Variants in MAD1L1 observed in about 807,000 individuals in gnomAD.
MAD1L1 encodes mitotic arrest deficient 1 like 1, also known as mitotic spindle assembly checkpoint protein MAD1.
Under a neutral mutation model 96.9 loss-of-function variants are expected in MAD1L1, and 95 were observed. The observed-to-expected ratio is 0.98, with a 90% CI of 0.83 to 1.16. The LOEUF (loss-of-function observed/expected upper bound fraction) is 1.16, where lower values mean the gene tolerates loss of function less well. Among genes scored for constraint, MAD1L1 ranks in the 50% most tolerant of loss-of-function variants. The probability of loss-of-function intolerance (pLI) is 0.00; values close to 1 mark genes in which losing one functional copy is unlikely to be tolerated. For missense variants in MAD1L1, 1,007 were observed against 954.4 expected, an observed-to-expected ratio of 1.06 and a Z score of -0.73; for synonymous variants, 473 against 396.6, an observed-to-expected ratio of 1.19 and a Z score of -2.29.
At chr7:1,916,456 A>G (rs548410495) in intron 17 of MAD1L1, among the ~76,000 whole-genome samples, 21 of 152,288 alleles carry the variant, frequency 1.4e-4, no homozygotes, top group African/African-American at 5.1e-4. Flanking sequence ...AACACACGTC[A>G]TGGCACGAGG....
At chr7:1,905,769 G>T (rs1296020087) in intron 17 of MAD1L1, among the ~76,000 whole-genome samples, 1 of 152,164 alleles carries the variant, frequency 6.6e-6, no homozygotes, top group Non-Finnish European at 1.5e-5. Context: ...GGAACCTGGG[G>T]CTGGGCACAG....
chr7:2,076,093 C>T (rs932610239), intron 11 of MAD1L1, among the ~76,000 whole-genome samples: 6 of 152,224 alleles, frequency 3.9e-5, no homozygotes, highest in African/African-American at 7.2e-5. Context: ...TGGTATGAGG[C>T]GGCTGTTCCC....
rs559980676 is a variant in MAD1L1, at chr7:2,042,159, A to G, written c.1218+27035T>C. ...CACGGACATGCAGACATGCACACACATATGTACACACATACACATGCACAC... is the reference window on the plus strand; with the variant it reads ...CACGGACATGCAGACATGCACACACGTATGTACACACATACACATGCACAC... On this transcript the variant is annotated intron_variant, in intron 12 of 18. Transcript: ENST00000265854. Among the ~76,000 whole-genome samples, 8 of 145,538 alleles carry G rather than the reference A, an allele frequency of 5.5e-5. No homozygotes were observed. In the South Asian group the frequency reaches 1.7e-3, roughly 31 times the overall value.
chr7:2,006,359 G>A (rs1294711395), intron 13 of MAD1L1, among the ~76,000 whole-genome samples: 1 of 152,184 alleles, frequency 6.6e-6, no homozygotes, highest in Non-Finnish European at 1.5e-5. Context: ...GTGGCCTGGG[G>A]TGTCAGCCAC....
At chr7:1,827,630 GCC>G (rs1782485547) in intron 18 of MAD1L1, among the ~76,000 whole-genome samples, 1 of 67,302 alleles carries the variant, frequency 1.5e-5, no homozygotes, top group Non-Finnish European at 3.1e-5. Flanking sequence ...CCTGAGCCCC[GCC>G]CGGGTGTGGG....
At chr7:1,985,448 G>A (rs1460203849) in intron 14 of MAD1L1, among the ~76,000 whole-genome samples, 1 of 115,774 alleles carries the variant, frequency 8.6e-6, no homozygotes, top group Admixed American at 7.8e-5. Context: ...CCAAGAGCGA[G>A]GGCCTCACAG....
chr7:2,055,073 C>T (rs1416517194), intron 12 of MAD1L1, among the ~76,000 whole-genome samples: 5 of 152,194 alleles, frequency 3.3e-5, no homozygotes, highest in Non-Finnish European at 5.9e-5. Context: ...TCACAAAGGG[C>T]GGGGGCAGCA....
intron 7 of MAD1L1, among the ~76,000 whole-genome samples, chr7:2,217,179 G>T (rs1793330775): frequency 6.6e-6 from 1 of 152,208 alleles, no homozygotes; most frequent in Non-Finnish European, 1.5e-5. Flanking sequence ...GTGAGGACAG[G>T]CTTTTCCCTA....
At chr7:1,838,644 C>T (rs927968739) in intron 18 of MAD1L1, 1 of 416,922 alleles carries the variant, frequency 2.4e-6, no homozygotes, top group Non-Finnish European at 5.2e-6. Context: ...AGAGACAACA[C>T]AGACAGCGGC....
At chr7:2,189,183 G>A (rs1460533088) in intron 10 of MAD1L1, among the ~76,000 whole-genome samples, 1 of 152,162 alleles carries the variant, frequency 6.6e-6, no homozygotes. Flanking sequence ...ATCACATGGT[G>A]ATGATGTGGA....
chr7:2,129,986 A>T (rs1264880209), intron 11 of MAD1L1, among the ~76,000 whole-genome samples: 1 of 152,182 alleles, frequency 6.6e-6, no homozygotes, highest in Non-Finnish European at 1.5e-5. Flanking sequence ...TGAAGAAAAC[A>T]CTACCCAACA....
At chr7:2,154,683 G>A (rs1363002334) in intron 10 of MAD1L1, among the ~76,000 whole-genome samples, 2 of 152,180 alleles carry the variant, frequency 1.3e-5, no homozygotes, top group Non-Finnish European at 2.9e-5. Flanking sequence ...GGGATGAAGT[G>A]TATGAGCTTT....
rs578233622 is a variant in MAD1L1 at position 2,087,316 on chromosome 7, G to C, written c.1074-17978C>G. On this transcript the variant is annotated intron_variant, in intron 11 of 18. Transcript: ENST00000265854. ...GCACTTCGGGAGGGTGAGGCGGACA[G>C]ATCACTTGAGGTCAGGAGTTCAAGA... Among the ~76,000 whole-genome samples the C allele has an allele frequency of 7.9e-5, 12 of 152,318 alleles. No individual in the cohort carries two copies. In the East Asian group the frequency reaches 2.3e-3, roughly 29 times the overall value.
intron 5 of MAD1L1, 124 bp from the exon 6 acceptor site, chr7:2,219,580 G>A (rs1434015283): frequency 2.2e-6 from 2 of 924,590 alleles, no homozygotes; most frequent in East Asian, 5.8e-5. Flanking sequence ...AGGGCAGGAG[G>A]CAGAGGGGCA....
At chr7:2,197,393 G>A (rs1187446055) in intron 10 of MAD1L1, among the ~76,000 whole-genome samples, 1 of 152,146 alleles carries the variant, frequency 6.6e-6, no homozygotes, top group South Asian at 2.1e-4. Context: ...ATGTGTTCAA[G>A]AAGCACTCAC....
chr7:2,141,953 C>T (rs1401631742), intron 11 of MAD1L1, among the ~76,000 whole-genome samples: 1 of 152,178 alleles, frequency 6.6e-6, no homozygotes, highest in East Asian at 1.9e-4. Context: ...CCAGGGTCGC[C>T]GGGGCAGCCA....
At chr7:1,950,254 G>A (rs747610879) in intron 16 of MAD1L1, among the ~76,000 whole-genome samples, 16 of 152,164 alleles carry the variant, frequency 1.1e-4, no homozygotes, top group Non-Finnish European at 2.2e-4. Context: ...GTCACCCAGC[G>A]GCGAGAATGG....
At chr7:1,979,203 G>A (rs535555112) in intron 15 of MAD1L1, among the ~76,000 whole-genome samples, 1 of 152,196 alleles carries the variant, frequency 6.6e-6, no homozygotes, top group Admixed American at 6.5e-5. Flanking sequence ...CACCAAAGCT[G>A]TGTGGCCTAG....
chr7:2,108,040 A>G (rs191377384), intron 11 of MAD1L1, among the ~76,000 whole-genome samples: 2 of 152,188 alleles, frequency 1.3e-5, no homozygotes, highest in Admixed American at 1.3e-4. Context: ...GTGCTCGGAA[A>G]ACACCTGTTT....
Sources: gnomAD v4.1 joint callset for allele counts (sites outside exome capture counted in the v4.1 genomes callset) on GRCh38, gnomAD v4.1.1 for gene constraint, MANE v1.5 for transcripts, NCBI Gene and HGNC (gene_info 2026-07-23, HGNC 2026-07-21) for gene names.